The following ABCG2 variants were observed in gnomAD, a reference collection of about 807,000 sequenced individuals.
The protein encoded by ABCG2 is broad substrate specificity ATP-binding cassette transporter ABCG2.
ABCG2 carries 80 observed loss-of-function variants against 73.5 expected under a neutral mutation model. The ratio of observed to expected loss-of-function variants is 1.09; its 90% CI spans 0.91 to 1.31. The LOEUF is 1.31. ABCG2 is among the 50% of genes most tolerant of loss of function. The pLI, the probability that ABCG2 is intolerant of heterozygous loss-of-function variation, is 0.00. For synonymous variants in ABCG2, 269 were observed against 282.4 expected (o/e 0.95, Z 0.48); for missense variants, 796 against 786.2 (o/e 1.01, Z -0.15).
At chr4:88,227,132 T>C (rs1463991883) in intron 1 of ABCG2, among the ~76,000 whole-genome samples, 1 of 151,978 alleles carries the variant, frequency 6.6e-6, no homozygotes, top group East Asian at 1.9e-4. Context: ...AAATATCACT[T>C]CTGTAATCTC....
rs753004998 is a variant in ABCG2, at chr4:88,118,239, T to G, written c.711A>C (p.Thr237=). The G allele has an allele frequency of 3.7e-6, 6 of 1,613,996 alleles. No homozygotes were observed. Among genetic ancestry groups the G allele is most frequent in the Admixed American group, 3.3e-5 (2 of 59,998 alleles). Residue 237 remains threonine, a synonymous_variant, in exon 7 of 16, where the codon ACA becomes ACC. Coordinates refer to ENST00000237612, the MANE Select transcript of ABCG2 (RefSeq NM_004827.3). Reference sequence around the variant, plus strand: ...GAGGCTGATGAATGGAGAAGATGATTGTTCGTCCCTGCTTAGACATCCTAA... The same window carrying G: ...GAGGCTGATGAATGGAGAAGATGATGGTTCGTCCCTGCTTAGACATCCTAA... ...LLKRMSKQGR[T]IIFSIHQPRY...
chr4:88,217,014 G>C (rs1157444983), intron 1 of ABCG2, among the ~76,000 whole-genome samples: 3 of 150,720 alleles, frequency 2.0e-5, no homozygotes, highest in Non-Finnish European at 4.4e-5. Flanking sequence ...CTGGGTGACA[G>C]AGCAAGACTC....
intron 1 of ABCG2, among the ~76,000 whole-genome samples, chr4:88,199,839 A>C (rs2110113611): frequency 6.6e-6 from 1 of 152,028 alleles, no homozygotes; most frequent in African/African-American, 2.4e-5. Flanking sequence ...CTCTACTAAA[A>C]ATACAAAAAA....
chr4:88,100,515 A>G lies in ABCG2; in HGVS notation c.1367+715T>C, dbSNP rs1722327213. ...GAGCGAGACTCTATGTCAAAAAAAA[A>G]AAAAAAAGCTAGGCATGCCAGTTAC... On this transcript the variant is annotated intron_variant, in intron 11 of 15. Transcript: ENST00000237612. Among the ~76,000 whole-genome samples, 2 of 151,876 alleles carry G rather than the reference A, an allele frequency of 1.3e-5. 1 individual carries two copies.
chr4:88,125,160 C>T (rs370490472), intron 5 of ABCG2, among the ~76,000 whole-genome samples: 22 of 151,322 alleles, frequency 1.5e-4, no homozygotes, highest in African/African-American at 3.4e-4. Context: ...GGCGTGGTGG[C>T]GGGCACCTGT....
intron 1 of ABCG2, among the ~76,000 whole-genome samples, chr4:88,199,437 A>T (rs555405578): frequency 6.6e-6 from 1 of 152,330 alleles, no homozygotes; most frequent in South Asian, 2.1e-4. Context: ...TAAAGAAAAA[A>T]TCTTCAATGA....
chr4:88,185,481 A>G (rs1242731619), intron 1 of ABCG2, among the ~76,000 whole-genome samples: 5 of 152,240 alleles, frequency 3.3e-5, no homozygotes, highest in Admixed American at 1.3e-4. Flanking sequence ...AGGCAACTAA[A>G]GCAAAAATGG....
chr4:88,123,478 T>A (rs946748278), intron 5 of ABCG2, among the ~76,000 whole-genome samples: 4 of 152,040 alleles, frequency 2.6e-5, no homozygotes, highest in African/African-American at 9.7e-5. Context: ...AATGACCTGA[T>A]GAAGCTGAAA....
At chr4:88,180,288 GA>G (rs953033900) in intron 1 of ABCG2, among the ~76,000 whole-genome samples, 21 of 151,942 alleles carry the variant, frequency 1.4e-4, no homozygotes, top group African/African-American at 4.6e-4. Flanking sequence ...AGTGCTAAAG[GA>G]AAAAAACTTG....
chr4:88,110,912 G>T lies in ABCG2; in HGVS notation c.1194+2391C>A, dbSNP rs569612971. Among the ~76,000 whole-genome samples, 21 of 152,302 alleles carry T rather than the reference G, an allele frequency of 1.4e-4. 1 individual carries two copies. Among genetic ancestry groups the T allele is most frequent in the African/African-American group, 4.8e-4 (20 of 41,556 alleles). On this transcript the variant is annotated intron_variant, in intron 9 of 15. Transcript: ENST00000237612. Reference sequence around the variant, plus strand: ...TTGTCCTGCTAAGCAGATGCTCAGGGAGATACAAGGTCCTATTCTTAATCT... The same window carrying T: ...TTGTCCTGCTAAGCAGATGCTCAGGTAGATACAAGGTCCTATTCTTAATCT...
chr4:88,137,502 T>C (rs1487146034), intron 2 of ABCG2, among the ~76,000 whole-genome samples: 3 of 152,136 alleles, frequency 2.0e-5, no homozygotes, highest in Non-Finnish European at 2.9e-5. Context: ...TGGGATGAGA[T>C]AAGAAAATAC....
At chr4:88,120,852 G>A (rs1271276829) in intron 6 of ABCG2, among the ~76,000 whole-genome samples, 1 of 152,072 alleles carries the variant, frequency 6.6e-6, no homozygotes, top group Admixed American at 6.6e-5. Flanking sequence ...TAAAATGTGA[G>A]GACATGAGAT....
chr4:88,121,565 G>A, intron 6 of ABCG2, 70 bp downstream of exon 6: 2 of 1,422,728 alleles, frequency 1.4e-6, no homozygotes, highest in South Asian at 2.7e-5. Flanking sequence ...TGAACCCCCT[G>A]CCCCAAGAAT....
At chr4:88,113,747 G>A (rs2110007728) in intron 8 of ABCG2, among the ~76,000 whole-genome samples, 194 bp from the exon 9 acceptor site, 1 of 152,060 alleles carries the variant, frequency 6.6e-6, no homozygotes, top group Middle Eastern at 3.4e-3. Context: ...TGGATTACGA[G>A]GTCAGGAGTT....
intron 1 of ABCG2, among the ~76,000 whole-genome samples, chr4:88,184,719 C>A (rs554522661): frequency 9.2e-5 from 14 of 152,178 alleles, no homozygotes; most frequent in Middle Eastern, 3.4e-3. Flanking sequence ...TTATATGGAA[C>A]CTCAAAAGAC....
intron 1 of ABCG2, among the ~76,000 whole-genome samples, chr4:88,193,964 T>A (rs1216345525): frequency 6.6e-6 from 1 of 152,114 alleles, no homozygotes; most frequent in African/African-American, 2.4e-5. Context: ...AGACTGGCCT[T>A]GAACTCCTGA....
chr4:88,125,454 A>G (rs1006986917), intron 5 of ABCG2, among the ~76,000 whole-genome samples: 1 of 151,696 alleles, frequency 6.6e-6, no homozygotes, highest in Non-Finnish European at 1.5e-5. Context: ...TAAAAATACA[A>G]AAAATTAGCC....
chr4:88,182,874 A>G (rs1393831361), intron 1 of ABCG2, among the ~76,000 whole-genome samples: 2 of 151,998 alleles, frequency 1.3e-5, no homozygotes, highest in African/African-American at 4.8e-5. Flanking sequence ...TCACGAGGTC[A>G]GGAGATTGAG....
chr4:88,096,229 G>A (rs530334098), intron 13 of ABCG2, among the ~76,000 whole-genome samples: 9 of 152,320 alleles, frequency 5.9e-5, no homozygotes, highest in African/African-American at 1.7e-4. Flanking sequence ...AAGCAATAGC[G>A]CAATGGAGAT....
Sources: gnomAD v4.1 joint callset for allele counts (sites outside exome capture counted in the v4.1 genomes callset) on GRCh38, gnomAD v4.1.1 for gene constraint, MANE v1.5 for transcripts, NCBI Gene and HGNC (gene_info 2026-07-23, HGNC 2026-07-21) for gene names.